Variants in AKAP13 observed in about 807,000 individuals in gnomAD.
AKAP13 encodes the protein A-kinase anchor protein 13.
In AKAP13, 80 loss-of-function variants were observed where a neutral mutation model predicts 264.5. The observed-to-expected ratio is 0.30, with a 90% CI of 0.25 to 0.36. The LOEUF is 0.36. Among genes scored for constraint, AKAP13 ranks in the 10% least tolerant of loss-of-function variants. AKAP13 has a pLI of 1.00. For missense variants in AKAP13, 3,712 were observed against 3,435.2 expected, an observed-to-expected ratio of 1.08 and a Z score of -2.01; for synonymous variants, 1,380 against 1,250.2, an observed-to-expected ratio of 1.10 and a Z score of -2.19.
intron 1 of AKAP13, among the ~76,000 whole-genome samples, chr15:85,485,191 C>T (rs1410590512): frequency 1.3e-5 from 2 of 152,146 alleles, no homozygotes; most frequent in Admixed American, 6.5e-5. Context: ...CAGCTATTAA[C>T]TTTGAGGAGG....
chr15:85,543,792 T>C lies in AKAP13; in HGVS notation c.499T>C (p.Leu167=), dbSNP rs1243566249. Residue 167 remains leucine (L), a synonymous_variant, in exon 5 of 37, where the codon TTG becomes CTG. Transcript: ENST00000394518. ...SLHDAGPRET[L]MHFAVRLGLL... Reference sequence around the variant, plus strand: ...TACAGATGCTGGCCCGCGAGAGACATTGATGCATTTTGCTGTGCGGCTGGG... The same window carrying C: ...TACAGATGCTGGCCCGCGAGAGACACTGATGCATTTTGCTGTGCGGCTGGG... 2.5e-6 allele frequency: 4 copies of C among 1,610,054 alleles called. No individual in the cohort carries two copies. Among genetic ancestry groups the C allele is most frequent in the South Asian group, 1.1e-5 (1 of 90,618 alleles).
chr15:85,405,840 C>T (rs951227664), intron 1 of AKAP13, among the ~76,000 whole-genome samples: 1 of 151,978 alleles, frequency 6.6e-6, no homozygotes, highest in Non-Finnish European at 1.5e-5. Flanking sequence ...GAATACCTGC[C>T]CTCACCCCCC....
chr15:85,653,493 T>G (rs997311392), intron 10 of AKAP13, among the ~76,000 whole-genome samples: 13 of 152,198 alleles, frequency 8.5e-5, no homozygotes, highest in African/African-American at 2.4e-4. Flanking sequence ...AAAGAAAGCC[T>G]TCTTATTAGC....
chr15:85,478,096 A>C (rs908953266), intron 1 of AKAP13, among the ~76,000 whole-genome samples: 1 of 152,084 alleles, frequency 6.6e-6, no homozygotes, highest in African/African-American at 2.4e-5. Context: ...TCCTTGTAAC[A>C]TTTTTATTAT....
rs555057846 is a variant in AKAP13, at chr15:85,747,589, G to A, written c.*2912G>A. ...GAGACTGCGTCTTCTCTCAATTCCA[G>A]TCATCTCAGTCGTTGTCGTTAGGTG... On this transcript the variant is annotated 3_prime_UTR_variant, in exon 37 of 37. Coordinates refer to ENST00000394518, the MANE Select transcript of AKAP13 (RefSeq NM_007200.5). 1.3e-5 allele frequency: 2 copies of A among 152,746 alleles called. No homozygotes were observed. The highest frequency in any genetic ancestry group is 2.9e-5 in the Non-Finnish European group (2 of 68,036). The allele number at this position is 152,746 out of a possible 1,614,324, so 9.5% of individuals were successfully genotyped here.
At position 85,581,233 on chromosome 15, in the gene AKAP13, T is replaced by G. The variant is rs2079137968; in HGVS notation, c.3165T>G (p.Asp1055Glu). ...CLLPDGSDGS[D>E]ALNCSQPSPL... The stretch of plus-strand genomic sequence containing the variant: ...TGCCAGATGGGTCTGATGGGTCCGA[T>G]GCTCTTAACTGCAGTCAGCCTTCTC... The change falls in exon 7 of 37, where the codon GAT (aspartate) becomes GAG (glutamate). Residue 1055 changes from aspartate (D) to glutamate (E), a missense_variant. Asp to Glu is a conservative substitution (Grantham distance 45, BLOSUM62 2). This residue lies in a region of AKAP13 where 2,759 missense variants were observed against 2,411.7 expected (regional missense o/e 1.14). Transcript: ENST00000394518. The G allele has an allele frequency of 1.9e-6, 3 of 1,614,184 alleles. No individual in the cohort carries two copies. The highest frequency in any genetic ancestry group is 3.3e-4 in the Middle Eastern group (2 of 6,062).
At chr15:85,607,604 C>G (rs2080411477) in intron 8 of AKAP13, among the ~76,000 whole-genome samples, 1 of 152,146 alleles carries the variant, frequency 6.6e-6, no homozygotes, top group African/African-American at 2.4e-5. Context: ...AATAGAGTCA[C>G]TAAGCTACTC....
chr15:85,638,516 C>T (rs1336267080), intron 8 of AKAP13, among the ~76,000 whole-genome samples: 1 of 152,084 alleles, frequency 6.6e-6, no homozygotes, highest in Non-Finnish European at 1.5e-5. Context: ...CAAGTTTTCT[C>T]TATCTTGCTG....
chr15:85,477,636 G>GAA (rs1567077572), intron 1 of AKAP13, among the ~76,000 whole-genome samples: 13 of 34,316 alleles, frequency 3.8e-4, no homozygotes, highest in Admixed American at 5.8e-4. Flanking sequence ...CTTAAAAAAA[G>GAA]GAAAAAAAAA....
chr15:85,544,326 A>G (rs1169692920), intron 5 of AKAP13, among the ~76,000 whole-genome samples: 1 of 152,226 alleles, frequency 6.6e-6, no homozygotes, highest in Non-Finnish European at 1.5e-5. Flanking sequence ...CCTATATCAT[A>G]TATTTTTTTC....
At position 85,727,264 on chromosome 15, in the gene AKAP13, G is replaced by T; in HGVS notation, c.7004+17G>T. The T allele has an allele frequency of 6.2e-7, 1 of 1,613,882 alleles. No homozygotes were observed. The highest frequency in any genetic ancestry group is 8.5e-7 in the Non-Finnish European group (1 of 1,179,844). ...CAACACCCTGTAAGTTAACCACCAG[G>T]CCCCACCCTTCCCAGCCCTCCTGAT... is the stretch of plus-strand genomic sequence containing the variant. On this transcript the variant is annotated intron_variant, in intron 28 of 36. Transcript: ENST00000394518. The surrounding 1 kb of genome is among the most constrained non-coding windows in gnomAD (Gnocchi z 5.3).
intron 17 of AKAP13, among the ~76,000 whole-genome samples, chr15:85,696,278 G>A (rs1344659834): frequency 1.3e-5 from 2 of 152,160 alleles, no homozygotes; most frequent in African/African-American, 2.4e-5. Context: ...TTGGATACCT[G>A]TATGTTTCCA....
intron 1 of AKAP13, among the ~76,000 whole-genome samples, chr15:85,394,781 GA>G: frequency 6.6e-6 from 1 of 152,286 alleles, no homozygotes; most frequent in East Asian, 1.9e-4. Context: ...TTTGTTCTGT[GA>G]AATGGTATTT....
intron 1 of AKAP13, among the ~76,000 whole-genome samples, chr15:85,477,636 GGAAA>G (rs1483701966): frequency 1.2e-4 from 4 of 34,320 alleles, no homozygotes; most frequent in Admixed American, 2.9e-4. Flanking sequence ...CTTAAAAAAA[GGAAA>G]AAAAAAAAAA....
intron 1 of AKAP13, among the ~76,000 whole-genome samples, chr15:85,401,485 C>A (rs570976271): frequency 4.6e-5 from 7 of 152,176 alleles, no homozygotes; most frequent in Non-Finnish European, 1.0e-4. Flanking sequence ...TTCTCTGTTA[C>A]AACAGCATTA....
rs766401488 is a variant in AKAP13, at chr15:85,744,532, C to CTGTT, written c.8393-93_8393-90dup. The CTGTT allele has an allele frequency of 1.9e-4, 253 of 1,333,762 alleles. 1 individual carries two copies. The East Asian group carries it at 4.9e-3, about 26-fold the overall frequency. The allele number at this position is 1,333,762 out of a possible 1,614,324, so 82.6% of individuals were successfully genotyped here. On this transcript the variant is annotated intron_variant, in intron 36 of 36. Coordinates refer to ENST00000394518, the MANE Select transcript of AKAP13 (RefSeq NM_007200.5). ...TTAATTGCCCATAAGCCCCAGTCGC[C>CTGTT]TGTTTGCATTACAGAAGACTTTGGG...
At chr15:85,488,262 C>T (rs371172456) in intron 2 of AKAP13, among the ~76,000 whole-genome samples, 2 of 152,260 alleles carry the variant, frequency 1.3e-5, no homozygotes, top group East Asian at 3.9e-4. Context: ...GGCAACCTGG[C>T]ATTTCTGAGG....
intron 1 of AKAP13, among the ~76,000 whole-genome samples, chr15:85,470,237 C>T (rs953764666): frequency 6.6e-6 from 1 of 152,108 alleles, no homozygotes; most frequent in African/African-American, 2.4e-5. Context: ...TGTAGTGAGC[C>T]GAGACCTCGC....
chr15:85,653,637 A>C (rs2082968226), intron 10 of AKAP13, among the ~76,000 whole-genome samples: 1 of 152,224 alleles, frequency 6.6e-6, no homozygotes, highest in Non-Finnish European at 1.5e-5. Context: ...TCCAAAGCTG[A>C]AAGATTTTCA....
Sources: gnomAD v4.1 joint callset for allele counts (sites outside exome capture counted in the v4.1 genomes callset) on GRCh38, gnomAD v4.1.1 for gene constraint, gnomAD v4.1.1 regional missense constraint, Gnocchi (gnomAD v3.1) non-coding constraint, MANE v1.5 for transcripts, NCBI Gene and HGNC (gene_info 2026-07-23, HGNC 2026-07-21) for gene names.